SH3BP2: variants seen among roughly 807,000 people sequenced by gnomAD.
The protein encoded by SH3BP2 is SH3 domain binding protein 2, also known as SH3 domain-binding protein 2.
Under a neutral mutation model 56.2 loss-of-function variants are expected in SH3BP2, and 38 were observed. That is an observed-to-expected ratio of 0.68 (90% CI 0.52 to 0.89). The LOEUF (loss-of-function observed/expected upper bound fraction) is 0.89. Among genes scored for constraint, SH3BP2 ranks in the 40% least tolerant of loss-of-function variants. SH3BP2 has a pLI of 0.00. For missense variants in SH3BP2, 748 were observed against 762.6 expected, an observed-to-expected ratio of 0.98 and a Z score of 0.23; for synonymous variants, 346 against 316.7, an observed-to-expected ratio of 1.09 and a Z score of -0.98.
At chr4:2,819,012 C>A in intron 1 of SH3BP2, 1 of 486,674 alleles carries the variant, frequency 2.1e-6, no homozygotes, top group Non-Finnish European at 2.7e-6. Context: ...TAGCTTACTG[C>A]CTCCTGGAAC....
intron 1 of SH3BP2, chr4:2,796,236 C>A (rs1222191563): frequency 5.9e-6 from 1 of 169,816 alleles, no homozygotes; most frequent in Non-Finnish European, 1.2e-5. Context: ...CTACACTCAT[C>A]CTTCAAGGGT....
intron 11 of SH3BP2, 28 bp downstream of exon 11, chr4:2,832,440 G>T (rs754341433): frequency 6.4e-7 from 1 of 1,572,038 alleles, no homozygotes; most frequent in Admixed American, 1.7e-5. Context: ...ATGCCCCAGG[G>T]CCCCTCTGGC....
intron 12 of SH3BP2, 104 bp downstream of exon 12, chr4:2,833,153 GC>G: frequency 9.9e-7 from 1 of 1,012,656 alleles, no homozygotes. Context: ...ACTGAGACTG[GC>G]ACCTCCAGGA....
intron 4 of SH3BP2, 181 bp downstream of exon 4, chr4:2,824,911 C>G: frequency 1.5e-6 from 1 of 670,970 alleles, no homozygotes; most frequent in East Asian, 2.7e-5. Context: ...CATCCCCATG[C>G]CCAGAGCCTG....
rs555463039 is a variant in SH3BP2, at chr4:2,829,820, C to T, written c.914C>T (p.Pro305Leu). The T allele has an allele frequency of 2.6e-5, 42 of 1,613,482 alleles. No homozygotes were observed. Among genetic ancestry groups the T allele is most frequent in the South Asian group, 2.4e-4 (22 of 91,084 alleles). ...TTCCGGGAGAGTGCCAGCCCCAGCC[C>T]GGAGCCCTGGACCCCTGGCCACGGG... ...PCFRESASPS[P>L]EPWTPGHGAC... Residue 305 changes from proline to leucine, a missense_variant, in exon 8 of 13, where the codon CCG (proline) becomes CTG (leucine). Physicochemically the swap from Pro to Leu is moderately conservative, Grantham distance 98. Coordinates refer to ENST00000503393, the MANE Select transcript of SH3BP2 (RefSeq NM_001122681.2). The surrounding 1 kb of genome is among the most constrained non-coding windows in gnomAD (Gnocchi z 4.9).
At chr4:2,804,381 T>G (rs1388777126) in intron 1 of SH3BP2, among the ~76,000 whole-genome samples, 2 of 152,194 alleles carry the variant, frequency 1.3e-5, no homozygotes, top group African/African-American at 4.8e-5. Context: ...GACCACTCTT[T>G]CTTCAAGGGA....
intron 1 of SH3BP2, 55 bp from the exon 2 acceptor site, chr4:2,820,559 C>CAGCCATCTCCTGCCTG: frequency 3.7e-6 from 6 of 1,612,620 alleles, no homozygotes; most frequent in Non-Finnish European, 5.1e-6. Context: ...CGCCCTGGCT[C>CAGCCATCTCCTGCCTG]AGCCATCTCC....
At chr4:2,801,095 C>T (rs368787797) in intron 1 of SH3BP2, among the ~76,000 whole-genome samples, 4 of 150,526 alleles carry the variant, frequency 2.7e-5, no homozygotes, top group African/African-American at 9.8e-5. Flanking sequence ...CAGACTCCAC[C>T]CCTGCCTGTC....
chr4:2,813,954 T>C (rs913329755), intron 1 of SH3BP2, among the ~76,000 whole-genome samples: 2 of 152,184 alleles, frequency 1.3e-5, no homozygotes, highest in Non-Finnish European at 2.9e-5. Context: ...TTGGGCTGGA[T>C]CCCCAGCCCC....
intron 1 of SH3BP2, chr4:2,798,922 C>T: frequency 1.1e-6 from 1 of 917,928 alleles, no homozygotes; most frequent in Non-Finnish European, 1.3e-6. Flanking sequence ...TCATGGGATG[C>T]GTGAGGGTGA....
At chr4:2,805,304 G>A (rs1260943542) in intron 1 of SH3BP2, among the ~76,000 whole-genome samples, 1 of 152,192 alleles carries the variant, frequency 6.6e-6, no homozygotes, top group Non-Finnish European at 1.5e-5. Context: ...TATCGATGAG[G>A]ATGCTGGGGC....
chr4:2,812,148 G>A (rs1723774713), intron 1 of SH3BP2: 1 of 1,413,702 alleles, frequency 7.1e-7, no homozygotes, highest in Non-Finnish European at 9.2e-7. Context: ...CCCGGATGGT[G>A]GATGAGGGGC....
At chr4:2,818,353 G>C (rs546492024) in intron 1 of SH3BP2, 2 of 1,178,696 alleles carry the variant, frequency 1.7e-6, no homozygotes, top group African/African-American at 3.2e-5. Context: ...GGCGTGGATC[G>C]CCCCGGGGAA....
At chr4:2,812,398 A>G (rs927321863) in intron 1 of SH3BP2, 4 of 1,549,828 alleles carry the variant, frequency 2.6e-6, no homozygotes, top group Non-Finnish European at 3.5e-6. Context: ...CCTGAGCCGC[A>G]TGGCCTCCCT....
At chr4:2,813,269 C>T (rs748272558) in intron 1 of SH3BP2, among the ~76,000 whole-genome samples, 4 of 152,226 alleles carry the variant, frequency 2.6e-5, no homozygotes, top group African/African-American at 7.2e-5. Flanking sequence ...CAAGCTGGGC[C>T]GTGGCTGTGC....
At position 2,829,766 on chromosome 4, in the gene SH3BP2, C is replaced by G. The variant is rs1724874837; in HGVS notation, c.860C>G (p.Thr287Ser). 6.2e-7 allele frequency: 1 copy of G among 1,613,132 alleles called. No individual in the cohort carries two copies. The highest frequency in any genetic ancestry group is 8.5e-7 in the Non-Finnish European group (1 of 1,179,948). ...MSDPPLSTMP[T>S]APGLRKPPCF... ...GATCCCCCTCTGAGCACCATGCCCA[C>G]CGCACCCGGCCTCCGGAAACCCCCT... The change falls in exon 8 of 13, where the codon ACC becomes AGC. Residue 287 changes from threonine to serine, a missense_variant. By Grantham distance (58) the Thr-to-Ser change is moderately conservative (BLOSUM62 1). Transcript: ENST00000503393. This position sits in a 1 kb window ranked among gnomAD's most constrained non-coding sequence, Gnocchi z 4.9.
intron 1 of SH3BP2, among the ~76,000 whole-genome samples, chr4:2,796,211 G>T (rs1275703604): frequency 2.0e-5 from 3 of 152,190 alleles, no homozygotes; most frequent in African/African-American, 4.8e-5. Flanking sequence ...TTTGGGTTCC[G>T]TGCCGGGCCC....
chr4:2,806,964 C>CTT (rs1723559775), intron 1 of SH3BP2, among the ~76,000 whole-genome samples: 1 of 152,218 alleles, frequency 6.6e-6, no homozygotes, highest in African/African-American at 2.4e-5. Flanking sequence ...CTACAGGGCC[C>CTT]TTGTCTGCAT....
intron 1 of SH3BP2, among the ~76,000 whole-genome samples, chr4:2,804,687 G>A (rs1723456895): frequency 6.6e-6 from 1 of 152,202 alleles, no homozygotes; most frequent in Non-Finnish European, 1.5e-5. Context: ...AGGTTGGTGG[G>A]CTTCCTTCTG....
Sources: gnomAD v4.1 joint callset for allele counts (sites outside exome capture counted in the v4.1 genomes callset) on GRCh38, gnomAD v4.1.1 for gene constraint, Gnocchi (gnomAD v3.1) non-coding constraint, MANE v1.5 for transcripts, NCBI Gene and HGNC (gene_info 2026-07-23, HGNC 2026-07-21) for gene names.